VIL1: variants seen among roughly 807,000 people sequenced by gnomAD.
VIL1 encodes the protein villin 1.
In VIL1, 86 loss-of-function variants were observed where a neutral mutation model predicts 104.0. The observed-to-expected ratio is 0.83, with a 90% CI of 0.69 to 0.99. The LOEUF (loss-of-function observed/expected upper bound fraction) is 0.99, where lower values mean the gene tolerates loss of function less well. Among genes scored for constraint, VIL1 ranks in the 50% least tolerant of loss-of-function variants. The probability of loss-of-function intolerance (pLI) is 0.00; values close to 1 mark genes in which losing one functional copy is unlikely to be tolerated. For missense variants in VIL1, 944 were observed against 1,054.1 expected (o/e 0.90, Z 1.45); for synonymous variants, 394 against 412.6 (o/e 0.95, Z 0.55).
rs1226073534 is a variant in VIL1, at chr2:218,450,823, G to A, written c.*1487G>A. ...TCTGTACTTTTAAGAAAAGTCCAAT[G>A]TTACAAAATCAAATGCTTATATTCA... is the stretch of plus-strand genomic sequence containing the variant. On this transcript the variant is annotated 3_prime_UTR_variant, in exon 20 of 20. Transcript: ENST00000248444. 6.6e-6 allele frequency: 1 copy of A among 152,138 alleles called. No homozygotes were observed. The highest frequency in any genetic ancestry group is 2.4e-5 in the African/African-American group (1 of 41,420). The allele number at this position is 152,138 out of a possible 1,614,324, so 9.4% of individuals were successfully genotyped here.
chr2:218,448,485 C>T (rs1689404784), intron 19 of VIL1, among the ~76,000 whole-genome samples: 1 of 151,452 alleles, frequency 6.6e-6, no homozygotes, highest in African/African-American at 2.4e-5. Flanking sequence ...TTATTTGAAT[C>T]TGGGAGGTGG....
In VIL1 at chr2:218,440,779, C is replaced by T. The variant is rs1559150161; in HGVS notation, c.2287C>T (p.Pro763Ser). The T allele has an allele frequency of 1.2e-6, 2 of 1,614,154 alleles. No homozygotes were observed. The highest frequency in any genetic ancestry group is 1.7e-6 in the Non-Finnish European group (2 of 1,180,020). ...TGCTAACAGCAACCTCAGTTCTGGGCCTCTGCCCATCTTCCCCCTGGAGCA... is the reference window on the plus strand; with the variant it reads ...TGCTAACAGCAACCTCAGTTCTGGGTCTCTGCCCATCTTCCCCCTGGAGCA... Reference protein sequence around the residue: ...FNANSNLSSGPLPIFPLEQLV... With the variant: ...FNANSNLSSGSLPIFPLEQLV... The change falls in exon 19 of 20, where the codon CCT (proline) becomes TCT (serine). Residue 763 changes from proline to serine, a missense_variant. Transcript: ENST00000248444.
chr2:218,438,793 G>C lies in VIL1; in HGVS notation c.2229+67G>C, dbSNP rs946478516. On this transcript the variant is annotated intron_variant, in intron 18 of 19. Coordinates refer to ENST00000248444, the MANE Select transcript of VIL1 (RefSeq NM_007127.3). ...TGGTGGTCAGACCTGTGGGAGCCAA[G>C]AACGCTGCAGAGAAGACACCAGAGT... is the stretch of plus-strand genomic sequence containing the variant. 172 of 1,381,244 alleles carry C rather than the reference G, an allele frequency of 1.2e-4. No individual in the cohort carries two copies. The African/African-American group carries it at 1.9e-3, about 15-fold the overall frequency. 85.6% of individuals were successfully genotyped at this position (1,381,244 alleles called of 1,614,324 possible).
At position 218,453,277 on chromosome 2, in the gene VIL1, T is replaced by TA. The variant is rs34459693; in HGVS notation, c.*3943dup. 39 of 152,124 alleles carry TA rather than the reference T, an allele frequency of 2.6e-4. No homozygotes were observed. The highest frequency in any genetic ancestry group is 7.7e-4 in the African/African-American group (32 of 41,492). 9.4% of individuals were successfully genotyped at this position (152,124 alleles called of 1,614,324 possible). ...TTTTTGTTTTTGTTTTCGTTTTTTT[T>TA]AATGAGATGGAGTCTCACTCTGTCA... On this transcript the variant is annotated 3_prime_UTR_variant, in exon 20 of 20. Transcript: ENST00000248444.
chr2:218,428,105 G>T (rs201655358), intron 5 of VIL1, 32 bp downstream of exon 5: 1 of 1,610,842 alleles, frequency 6.2e-7, no homozygotes, highest in African/African-American at 1.3e-5. Flanking sequence ...ATCGGCCAGG[G>T]CTGTGAGGCC....
chr2:218,429,468 G>A lies in VIL1; in HGVS notation c.751G>A (p.Ala251Thr). Reference protein sequence around the residue: ...PDTVVEPALKAALKLYHVSDS... With the variant: ...PDTVVEPALKTALKLYHVSDS... Reference sequence around the variant, plus strand: ...CACGGTGGTGGAGCCGGCACTCAAGGCTGCACTCAAACTGTACCAGTGAGC... The same window carrying A: ...CACGGTGGTGGAGCCGGCACTCAAGACTGCACTCAAACTGTACCAGTGAGC... The change falls in exon 7 of 20, where the codon GCT (alanine) becomes ACT (threonine). Residue 251 changes from alanine (A) to threonine (T), a missense_variant. Coordinates refer to ENST00000248444, the MANE Select transcript of VIL1 (RefSeq NM_007127.3). 6.2e-7 allele frequency: 1 copy of A among 1,613,934 alleles called. No individual in the cohort carries two copies. Among genetic ancestry groups the A allele is most frequent in the Non-Finnish European group, 8.5e-7 (1 of 1,179,988 alleles).
At chr2:218,430,983 G>C (rs767787959) in intron 10 of VIL1, 105 bp downstream of exon 10, 1 of 1,440,012 alleles carries the variant, frequency 6.9e-7, no homozygotes, top group East Asian at 2.5e-5. Flanking sequence ...CATCTTCAAC[G>C]AAGACTTTTA....
chr2:218,441,157 G>C (rs1200871404), intron 19 of VIL1, among the ~76,000 whole-genome samples: 1 of 152,174 alleles, frequency 6.6e-6, no homozygotes, highest in Non-Finnish European at 1.5e-5. Context: ...GGGAGGCCGA[G>C]GTGGGTGGAT....
chr2:218,424,919 C>T (rs1688953696), intron 3 of VIL1, among the ~76,000 whole-genome samples: 1 of 152,114 alleles, frequency 6.6e-6, no homozygotes. Context: ...CTCAGCCTCC[C>T]AAAATGCTGG....
chr2:218,438,864 CT>C (rs1689238146), intron 18 of VIL1, 138 bp downstream of exon 18: 1 of 683,324 alleles, frequency 1.5e-6, no homozygotes, highest in Admixed American at 2.8e-5. Context: ...ATTCTTCTTG[CT>C]GTTTTACTTC....
rs1218421305 is a variant in VIL1 at position 218,437,185 on chromosome 2, C to T, written c.2033C>T (p.Ala678Val). The change falls in exon 17 of 20, where the codon GCA becomes GTA. Residue 678 changes from alanine to valine, a missense_variant. Ala to Val is a moderately conservative substitution (Grantham distance 64, BLOSUM62 0). Transcript: ENST00000248444. ...EEEKKAAATTAQEYLKTHPSG... is the reference protein window; with the variant it reads ...EEEKKAAATTVQEYLKTHPSG... ...GAGAAGAAGGCCGCAGCAACCACTG[C>T]ACAGGAATACCTCAAGACCCATCCC... 6.2e-7 allele frequency: 1 copy of T among 1,614,188 alleles called. No homozygotes were observed. The highest frequency in any genetic ancestry group is 1.1e-5 in the South Asian group (1 of 91,084).
At chr2:218,443,422 T>G (rs1228442690) in intron 19 of VIL1, among the ~76,000 whole-genome samples, 1 of 151,826 alleles carries the variant, frequency 6.6e-6, no homozygotes, top group African/African-American at 2.4e-5. Flanking sequence ...GGTCTCAAAC[T>G]CCTGACCTTA....
chr2:218,430,987 ACTTTTACG>A, intron 10 of VIL1, 109 bp downstream of exon 10: 1 of 1,395,402 alleles, frequency 7.2e-7, no homozygotes, highest in Non-Finnish European at 9.8e-7. Context: ...TTCAACGAAG[ACTTTTACG>A]CTGGCTCTGG....
chr2:218,442,907 T>C (rs1378681961), intron 19 of VIL1, among the ~76,000 whole-genome samples: 9 of 152,190 alleles, frequency 5.9e-5, no homozygotes, highest in Non-Finnish European at 1.0e-4. Context: ...TCCTGTGTTC[T>C]CTCCTGGATT....
chr2:218,445,464 C>T (rs1689349296), intron 19 of VIL1, among the ~76,000 whole-genome samples: 1 of 152,120 alleles, frequency 6.6e-6, no homozygotes, highest in African/African-American at 2.4e-5. Context: ...ACTACCCTGC[C>T]TCAGGGAGTG....
chr2:218,444,437 G>A (rs1488077816), intron 19 of VIL1, among the ~76,000 whole-genome samples: 7 of 151,984 alleles, frequency 4.6e-5, no homozygotes, highest in Admixed American at 3.3e-4. Context: ...CCGCCATCAC[G>A]CCCGGCTAAT....
intron 6 of VIL1, among the ~76,000 whole-genome samples, chr2:218,428,686 T>A (rs1384633018): frequency 2.0e-5 from 3 of 152,172 alleles, no homozygotes; most frequent in Non-Finnish European, 4.4e-5. Flanking sequence ...GATTTTTTTT[T>A]TGGAAACACA....
intron 9 of VIL1, 42 bp from the exon 10 acceptor site, chr2:218,430,683 T>A: frequency 6.5e-7 from 1 of 1,546,156 alleles, no homozygotes; most frequent in Non-Finnish European, 8.7e-7. Context: ...GAGTGGGGAC[T>A]AGGGGAGGTG....
At chr2:218,427,868 C>T (rs1302295227) in intron 4 of VIL1, 97 bp from the exon 5 acceptor site, 2 of 1,159,554 alleles carry the variant, frequency 1.7e-6, no homozygotes, top group East Asian at 2.4e-5. Flanking sequence ...CACCCTGGCC[C>T]TCACGTGACC....
Sources: gnomAD v4.1 joint callset for allele counts (sites outside exome capture counted in the v4.1 genomes callset) on GRCh38, gnomAD v4.1.1 for gene constraint, MANE v1.5 for transcripts, NCBI Gene and HGNC (gene_info 2026-07-23, HGNC 2026-07-21) for gene names.